Variants in POLR3F observed in about 807,000 individuals in gnomAD.
The protein encoded by POLR3F is RNA polymerase III subunit F.
A neutral mutation model predicts 43.6 loss-of-function variants in POLR3F; 31 were observed. That is an observed-to-expected ratio of 0.71 (90% CI 0.53 to 0.96). POLR3F has a LOEUF of 0.96. POLR3F is among the 40% of genes least tolerant of loss of function. The pLI is 0.00. For missense variants in POLR3F, 316 were observed against 391.7 expected (o/e 0.81, Z 1.63); for synonymous variants, 114 against 132.5 (o/e 0.86, Z 0.96).
Position 18,483,539 on chromosome 20 carries a change from CAG to C in POLR3F, c.935_936del (p.Glu312ValfsTer13). ...TCACCATCTAACTGTATTTACATGA[CAG>C]AGTGGCTCGAATTTTAATAGAGAGC... On this transcript the variant is annotated frameshift_variant, in exon 9 of 9. Coordinates refer to ENST00000377603, the MANE Select transcript of POLR3F (RefSeq NM_006466.4). LOFTEE classifies it high-confidence loss of function. 1 of 1,500,766 alleles carries C rather than the reference CAG, an allele frequency of 6.7e-7. No individual in the cohort carries two copies. Among genetic ancestry groups the C allele is most frequent in the Non-Finnish European group, 9.1e-7 (1 of 1,099,704 alleles). 93.0% of individuals were successfully genotyped at this position (1,500,766 alleles called of 1,614,324 possible).
At chr20:18,470,357 A>G (rs1430877342) in intron 2 of POLR3F, among the ~76,000 whole-genome samples, 1 of 152,250 alleles carries the variant, frequency 6.6e-6, no homozygotes, top group African/African-American at 2.4e-5. Flanking sequence ...CTTTTTCTAT[A>G]AAGTGCCAGA....
At chr20:18,473,769 C>G (rs1784676582) in intron 4 of POLR3F, among the ~76,000 whole-genome samples, 1 of 151,970 alleles carries the variant, frequency 6.6e-6, no homozygotes, top group Admixed American at 6.6e-5. Context: ...TACCTTCTAG[C>G]TATATGACCA....
Position 18,481,660 on chromosome 20 carries a change from A to G in POLR3F, c.723A>G (p.Thr241=), listed in dbSNP as rs1010131843. 1 of 1,612,806 alleles carries G rather than the reference A, an allele frequency of 6.2e-7. No individual in the cohort carries two copies. The highest frequency in any genetic ancestry group is 8.5e-7 in the Non-Finnish European group (1 of 1,178,824). The stretch of plus-strand genomic sequence containing the variant: ...AAGACATTGAAACCATCCTGAATAC[A>G]CTCATTTATGATGGAAAAGTGGAGA... ...SMEDIETILN[T]LIYDGKVEMT... The change falls in exon 8 of 9, where the codon ACA becomes ACG. Residue 241 remains threonine, a synonymous_variant. Coordinates refer to ENST00000377603, the MANE Select transcript of POLR3F (RefSeq NM_006466.4).
rs151052592 is a variant in POLR3F, at chr20:18,482,038, A to G, written c.873+228A>G. Among the ~76,000 whole-genome samples the G allele has an allele frequency of 8.6e-3, 1,113 of 128,834 alleles. 7 individuals are homozygous for G. The highest frequency in any genetic ancestry group is 0.024 in the Middle Eastern group (4 of 168). The allele number at this position is 128,834 out of a possible 152,430, so 84.5% of individuals were successfully genotyped here. A position where few individuals can be genotyped will look rare whatever the true frequency, so the allele number is the denominator to read the frequency against. ...AGTCTCACTCTATCACCGAGGCTGG[A>G]GTGCAGTGGCACAATCTTGACTCAT... On this transcript the variant is annotated intron_variant, in intron 8 of 8. Coordinates refer to ENST00000377603, the MANE Select transcript of POLR3F (RefSeq NM_006466.4).
intron 7 of POLR3F, 132 bp from the exon 8 acceptor site, chr20:18,481,487 C>G: frequency 1.6e-6 from 1 of 636,224 alleles, no homozygotes; most frequent in South Asian, 1.9e-5. Flanking sequence ...GATCCACCTG[C>G]CTCGGCTTCC....
Position 18,473,462 on chromosome 20 carries a change from A to C in POLR3F, c.316+4A>C. ...ATAGAGGATGCAGGAAATAAAGGTA[A>C]GCATGTGAAAGATGAAGCAGAAAAA... is the stretch of plus-strand genomic sequence containing the variant. On this transcript the variant is annotated splice_donor_region_variant and intron_variant, in intron 4 of 8. Coordinates refer to ENST00000377603, the MANE Select transcript of POLR3F (RefSeq NM_006466.4). 3 of 1,400,142 alleles carry C rather than the reference A, an allele frequency of 2.1e-6. No homozygotes were observed. The highest frequency in any genetic ancestry group is 2.0e-6 in the Non-Finnish European group (2 of 986,994). The allele number at this position is 1,400,142 out of a possible 1,614,324, so 86.7% of individuals were successfully genotyped here. A position where few individuals can be genotyped will look rare whatever the true frequency, so the allele number is the denominator to read the frequency against.
Position 18,468,983 on chromosome 20 carries a change from A to C in POLR3F, c.102A>C (p.Thr34=), listed in dbSNP as rs150654167. The change falls in exon 2 of 9, where the codon ACA becomes ACC. Residue 34 remains threonine, a synonymous_variant. Coordinates refer to ENST00000377603, the MANE Select transcript of POLR3F (RefSeq NM_006466.4). ...ELCHQFPHGI[T]DQVIQNEMPH... Reference sequence around the variant, plus strand: ...GTCACCAGTTCCCTCATGGAATCACAGACCAAGTAATTCAGAATGAAATGC... The same window carrying C: ...GTCACCAGTTCCCTCATGGAATCACCGACCAAGTAATTCAGAATGAAATGC... 13 of 1,588,380 alleles carry C rather than the reference A, an allele frequency of 8.2e-6. No homozygotes were observed. In the African/African-American group the frequency reaches 1.2e-4, roughly 15 times the overall value.
intron 1 of POLR3F, 59 bp from the exon 2 acceptor site, chr20:18,468,885 C>T: frequency 7.3e-6 from 6 of 819,116 alleles, no homozygotes; most frequent in Admixed American, 5.3e-5. Context: ...GTATTTTTAC[C>T]CCCACTGTCT....
chr20:18,475,822 C>T (rs2148864367), intron 5 of POLR3F, among the ~76,000 whole-genome samples: 1 of 152,258 alleles, frequency 6.6e-6, no homozygotes, highest in South Asian at 2.1e-4. Context: ...GACCTTTCCT[C>T]AAATATCCGC....
At chr20:18,479,409 C>T (rs1312976704) in intron 5 of POLR3F, among the ~76,000 whole-genome samples, 1 of 152,116 alleles carries the variant, frequency 6.6e-6, no homozygotes, top group African/African-American at 2.4e-5. Flanking sequence ...GCAGGAGAAT[C>T]ACTTGAACCC....
rs1400819690 is a variant in POLR3F, at chr20:18,483,914, C to A, written c.*356C>A. 3 of 395,114 alleles carry A rather than the reference C, an allele frequency of 7.6e-6. No individual in the cohort carries two copies. The highest frequency in any genetic ancestry group is 4.4e-5 in the Admixed American group (1 of 22,628). The allele number at this position is 395,114 out of a possible 1,614,324, so 24.5% of individuals were successfully genotyped here. A position where few individuals can be genotyped will look rare whatever the true frequency, so the allele number is the denominator to read the frequency against. ...ATAATGGCTAGAGTATAAAAATGTT[C>A]TTTTTAAAGTTATTTATTAAGTTCT... On this transcript the variant is annotated 3_prime_UTR_variant, in exon 9 of 9. Coordinates refer to ENST00000377603, the MANE Select transcript of POLR3F (RefSeq NM_006466.4).
intron 8 of POLR3F, among the ~76,000 whole-genome samples, 184 bp from the exon 9 acceptor site, chr20:18,483,297 C>T (rs372524493): frequency 1.2e-4 from 18 of 152,292 alleles, no homozygotes; most frequent in African/African-American, 4.3e-4. Context: ...CCACCCACCT[C>T]GGCCTCCCAA....
chr20:18,469,253 G>A (rs568333364), intron 2 of POLR3F, 192 bp downstream of exon 2: 170 of 559,550 alleles, frequency 3.0e-4, no homozygotes, highest in African/African-American at 2.8e-3. Context: ...ATTGGTGAAC[G>A]GAGTAAAGTA....
Position 18,480,108 on chromosome 20 carries a change from A to C in POLR3F, c.500A>C (p.Tyr167Ser). ...PDRSVTGGAW[Y>S]SDQDFESEFV... The stretch of plus-strand genomic sequence containing the variant: ...CGGTCTGTGACTGGTGGAGCCTGGT[A>C]CAGTGACCAGGATTTTGAATCTGAA... The change falls in exon 6 of 9, where the codon TAC becomes TCC. Residue 167 changes from tyrosine (Y) to serine (S), a missense_variant. Tyr to Ser is a moderately radical substitution (Grantham distance 144, BLOSUM62 -2). This residue lies in a region of POLR3F where 109 missense variants were observed against 177.7 expected (regional missense o/e 0.61). Transcript: ENST00000377603. 6.2e-7 allele frequency: 1 copy of C among 1,608,830 alleles called. No individual in the cohort carries two copies. Among genetic ancestry groups the C allele is most frequent in the Non-Finnish European group, 8.5e-7 (1 of 1,175,238 alleles).
intron 7 of POLR3F, 131 bp from the exon 8 acceptor site, chr20:18,481,488 C>T (rs2059809073): frequency 4.7e-6 from 3 of 642,134 alleles, no homozygotes; most frequent in Non-Finnish European, 8.3e-6. Flanking sequence ...ATCCACCTGC[C>T]TCGGCTTCCC....
intron 2 of POLR3F, among the ~76,000 whole-genome samples, chr20:18,471,434 T>C (rs932880102): frequency 6.6e-6 from 1 of 152,190 alleles, no homozygotes; most frequent in Non-Finnish European, 1.5e-5. Flanking sequence ...ACCTCTATCT[T>C]AATGCCAACC....
chr20:18,476,332 T>A (rs1332116843), intron 5 of POLR3F, among the ~76,000 whole-genome samples: 2 of 152,260 alleles, frequency 1.3e-5, no homozygotes, highest in Non-Finnish European at 2.9e-5. Context: ...TCTGGACAGT[T>A]CCTATAAATG....
At chr20:18,474,579 T>C (rs1171841827) in intron 4 of POLR3F, among the ~76,000 whole-genome samples, 1 of 152,018 alleles carries the variant, frequency 6.6e-6, no homozygotes, top group Admixed American at 6.6e-5. Context: ...AGTGCAATGG[T>C]GTGATCTCGG....
chr20:18,480,084 G>T lies in POLR3F; in HGVS notation c.476G>T (p.Arg159Leu). Residue 159 changes from arginine to leucine, a missense_variant, in exon 6 of 9, where the codon CGG becomes CTG. Transcript: ENST00000377603. ...VYMLYNLQPD[R>L]SVTGGAWYSD... ...ATGCTCTATAACCTGCAGCCAGACC[G>T]GTCTGTGACTGGTGGAGCCTGGTAC... The T allele has an allele frequency of 6.2e-7, 1 of 1,609,636 alleles. No individual in the cohort carries two copies.
Sources: allele counts gnomAD v4.1 joint callset (sites outside exome capture counted in the v4.1 genomes callset), GRCh38; gene constraint gnomAD v4.1.1; regional missense constraint gnomAD v4.1.1; transcripts MANE v1.5; gene names NCBI Gene and HGNC (gene_info 2026-07-23, HGNC 2026-07-21).